Variants in MYT1L observed in about 807,000 individuals in gnomAD.
MYT1L encodes myelin transcription factor 1 like.
MYT1L carries 12 observed loss-of-function variants against 126.7 expected under a neutral mutation model. The ratio of observed to expected loss-of-function variants is 0.09; its 90% CI spans 0.06 to 0.15. MYT1L has a LOEUF of 0.15. Among genes scored for constraint, MYT1L ranks in the 10% least tolerant of loss-of-function variants. The probability of loss-of-function intolerance (pLI) is 1.00; values close to 1 mark genes in which losing one functional copy is unlikely to be tolerated. For missense variants in MYT1L, 979 were observed against 1,585.2 expected (o/e 0.62, Z 6.49); for synonymous variants, 541 against 604.2 (o/e 0.90, Z 1.53).
intron 2 of MYT1L, among the ~76,000 whole-genome samples, chr2:2,268,174 T>A (rs2095179238): frequency 6.6e-6 from 1 of 152,220 alleles, no homozygotes; most frequent in Non-Finnish European, 1.5e-5. Context: ...AAGGATTTAT[T>A]TCCTGAGTCG....
At chr2:1,813,482 C>T (rs2037036548) in intron 21 of MYT1L, among the ~76,000 whole-genome samples, 1 of 152,160 alleles carries the variant, frequency 6.6e-6, no homozygotes, top group Non-Finnish European at 1.5e-5. Context: ...GCAGGGGTCC[C>T]CAAACTCCCG....
chr2:2,095,128 A>G (rs766098972), intron 3 of MYT1L, among the ~76,000 whole-genome samples: 1 of 152,258 alleles, frequency 6.6e-6, no homozygotes, highest in Non-Finnish European at 1.5e-5. Flanking sequence ...ACAGAGACCA[A>G]GAAGTGGAGA....
At chr2:1,945,817 G>A (rs777195048) in intron 8 of MYT1L, among the ~76,000 whole-genome samples, 126 of 152,024 alleles carry the variant, frequency 8.3e-4, no homozygotes, top group Non-Finnish European at 1.1e-3. Context: ...CAAACATGTC[G>A]CTCCTTAAAG....
intron 2 of MYT1L, among the ~76,000 whole-genome samples, chr2:2,179,543 G>A (rs923640268): frequency 3.9e-5 from 6 of 152,144 alleles, no homozygotes; most frequent in Admixed American, 3.3e-4. Context: ...CACCTTACAC[G>A]TGTATTCCAA....
intron 2 of MYT1L, among the ~76,000 whole-genome samples, chr2:2,241,577 T>C (rs973488288): frequency 6.6e-6 from 1 of 152,168 alleles, no homozygotes; most frequent in Non-Finnish European, 1.5e-5. Context: ...ACTCATAAGG[T>C]AGCAGATACA....
rs577139852 is a variant in MYT1L, at chr2:2,276,725, C to G, written c.-421+7679G>C. On this transcript the variant is annotated intron_variant, in intron 2 of 24. Coordinates refer to ENST00000647738, the MANE Select transcript of MYT1L (RefSeq NM_001303052.2). ...GACTGAGGGACCCTTGAATCTCACCCTCTCTGCAGGTGCATACAAGACTGT... is the reference window on the plus strand; with the variant it reads ...GACTGAGGGACCCTTGAATCTCACCGTCTCTGCAGGTGCATACAAGACTGT... Among the ~76,000 whole-genome samples, 50 of 152,236 alleles carry G rather than the reference C, an allele frequency of 3.3e-4. No individual in the cohort carries two copies. The Middle Eastern group carries it at 0.01, about 31-fold the overall frequency.
At chr2:2,297,343 G>A in intron 1 of MYT1L, among the ~76,000 whole-genome samples, 1 of 152,228 alleles carries the variant, frequency 6.6e-6, no homozygotes, top group East Asian at 1.9e-4. Flanking sequence ...AGGATGGCAT[G>A]ACAGGGGACC....
intron 2 of MYT1L, among the ~76,000 whole-genome samples, chr2:2,261,318 T>G (rs1054650140): frequency 6.6e-5 from 10 of 152,252 alleles, no homozygotes; most frequent in Admixed American, 6.5e-5. Flanking sequence ...GTTGTTCAGT[T>G]GCATTATAAA....
rs1348572988 is a variant in MYT1L at position 1,848,994 on chromosome 2, TG to T, written c.2774+2646del. 1.3e-5 allele frequency among the ~76,000 whole-genome samples: 2 copies of T among 152,288 alleles called. No homozygotes were observed. The highest frequency in any genetic ancestry group is 3.9e-4 in the East Asian group (2 of 5,178). On this transcript the variant is annotated intron_variant, in intron 19 of 24. Coordinates refer to ENST00000647738, the MANE Select transcript of MYT1L (RefSeq NM_001303052.2). The surrounding 1 kb of genome is among the most constrained non-coding windows in gnomAD (Gnocchi z 4.8). Reference sequence around the variant, plus strand: ...CTTTCCAACTCCATTGACTTAACCCTGGGATCATTTACTCCAGGCATAGATG... The same window carrying T: ...CTTTCCAACTCCATTGACTTAACCCTGGATCATTTACTCCAGGCATAGATG...
chr2:2,170,702 T>C (rs147064546), intron 3 of MYT1L, among the ~76,000 whole-genome samples: 1 of 152,358 alleles, frequency 6.6e-6, no homozygotes, highest in African/African-American at 2.4e-5. Context: ...AAAGTACTTA[T>C]GACATACATA....
At chr2:2,257,305 G>A (rs892767654) in intron 2 of MYT1L, among the ~76,000 whole-genome samples, 1 of 152,168 alleles carries the variant, frequency 6.6e-6, no homozygotes, top group Non-Finnish European at 1.5e-5. Flanking sequence ...GCTCATATTG[G>A]AAATGACTGA....
At chr2:1,945,662 A>G (rs994242052) in intron 8 of MYT1L, among the ~76,000 whole-genome samples, 1 of 152,212 alleles carries the variant, frequency 6.6e-6, no homozygotes, top group Non-Finnish European at 1.5e-5. Context: ...GATGAAATGA[A>G]AAAATATATA....
chr2:2,087,262 T>TA lies in MYT1L; in HGVS notation c.-303-33140dup, dbSNP rs539133720. Among the ~76,000 whole-genome samples, 22 of 152,248 alleles carry TA rather than the reference T, an allele frequency of 1.4e-4. No homozygotes were observed. In the South Asian group the frequency reaches 4.1e-3, roughly 29 times the overall value. On this transcript the variant is annotated intron_variant, in intron 3 of 24. Transcript: ENST00000647738. Reference sequence around the variant, plus strand: ...GTAGGCTATGCTTGTCTTCTTTTTTTAAAAAAAGGATAGGTTTGCAATGCC... The same window carrying TA: ...GTAGGCTATGCTTGTCTTCTTTTTTTAAAAAAAAGGATAGGTTTGCAATGCC...
At chr2:1,900,490 G>A (rs561773089) in intron 14 of MYT1L, among the ~76,000 whole-genome samples, 102 of 152,160 alleles carry the variant, frequency 6.7e-4, no homozygotes, top group African/African-American at 2.4e-3. Flanking sequence ...TAGTAGAGAC[G>A]GGGTTTCACC....
intron 22 of MYT1L, among the ~76,000 whole-genome samples, chr2:1,805,933 G>A (rs2035630020): frequency 1.3e-5 from 2 of 152,102 alleles, no homozygotes; most frequent in South Asian, 4.1e-4. Context: ...AGGGCAACAG[G>A]AACACAGAGC....
At chr2:2,131,845 G>A (rs751076600) in intron 3 of MYT1L, among the ~76,000 whole-genome samples, 5 of 150,642 alleles carry the variant, frequency 3.3e-5, no homozygotes, top group Non-Finnish European at 7.4e-5. Flanking sequence ...CAGACACCAC[G>A]TTCTCTGCAG....
intron 2 of MYT1L, among the ~76,000 whole-genome samples, chr2:2,235,496 T>C (rs573246518): frequency 1.3e-4 from 20 of 152,352 alleles, no homozygotes; most frequent in South Asian, 1.2e-3. Context: ...CCCTGTTAGC[T>C]GGCTGGTGTC....
intron 2 of MYT1L, among the ~76,000 whole-genome samples, chr2:2,191,651 T>C (rs900376710): frequency 6.6e-6 from 1 of 152,218 alleles, no homozygotes; most frequent in Non-Finnish European, 1.5e-5. Flanking sequence ...AGGGCTTCAG[T>C]AAATATGTAT....
chr2:2,308,325 C>A (rs184421246), intron 1 of MYT1L, among the ~76,000 whole-genome samples: 5 of 152,086 alleles, frequency 3.3e-5, no homozygotes, highest in Admixed American at 3.3e-4. Context: ...CATACTCCAC[C>A]TACACTTCAC....
Sources: gnomAD v4.1 joint callset for allele counts (sites outside exome capture counted in the v4.1 genomes callset) on GRCh38, gnomAD v4.1.1 for gene constraint, Gnocchi (gnomAD v3.1) non-coding constraint, MANE v1.5 for transcripts, NCBI Gene and HGNC (gene_info 2026-07-23, HGNC 2026-07-21) for gene names.